PDE3A: variants seen among roughly 807,000 people sequenced by gnomAD.
PDE3A encodes cGMP-inhibited 3',5'-cyclic phosphodiesterase 3A.
PDE3A carries 43 observed loss-of-function variants against 98.3 expected under a neutral mutation model. The observed-to-expected ratio is 0.44, with a 90% CI of 0.34 to 0.56. PDE3A has a LOEUF of 0.56. PDE3A is among the 20% of genes least tolerant of loss of function. The probability of loss-of-function intolerance (pLI) is 0.01; values close to 1 mark genes in which losing one functional copy is unlikely to be tolerated. For missense variants in PDE3A, 1,427 were observed against 1,440.7 expected, an observed-to-expected ratio of 0.99 and a Z score of 0.15; for synonymous variants, 663 against 567.9, an observed-to-expected ratio of 1.17 and a Z score of -2.38.
intron 1 of PDE3A, among the ~76,000 whole-genome samples, chr12:20,431,536 G>A (rs753063978): frequency 4.6e-5 from 7 of 151,718 alleles, no homozygotes; most frequent in African/African-American, 9.7e-5. Flanking sequence ...AAATTCAATC[G>A]AAAGAATTAA....
intron 1 of PDE3A, among the ~76,000 whole-genome samples, chr12:20,554,006 T>G (rs1942294097): frequency 6.6e-6 from 1 of 152,080 alleles, no homozygotes; most frequent in Non-Finnish European, 1.5e-5. Context: ...TTTTTTTCTC[T>G]TAATGAACAC....
intron 15 of PDE3A, among the ~76,000 whole-genome samples, chr12:20,662,820 A>G (rs1945208620): frequency 6.6e-6 from 1 of 152,254 alleles, no homozygotes; most frequent in South Asian, 2.1e-4. Context: ...GAGAAACTCA[A>G]GTGGGCTGCA....
At chr12:20,496,462 C>G (rs1164917459) in intron 1 of PDE3A, among the ~76,000 whole-genome samples, 1 of 151,582 alleles carries the variant, frequency 6.6e-6, no homozygotes, top group Non-Finnish European at 1.5e-5. Flanking sequence ...TCTCAGAGAT[C>G]TGACGTGACA....
intron 1 of PDE3A, among the ~76,000 whole-genome samples, chr12:20,509,631 T>G (rs1946183222): frequency 6.6e-6 from 1 of 152,154 alleles, no homozygotes; most frequent in South Asian, 2.1e-4. Flanking sequence ...GCCTACTTTT[T>G]TGTTTTATAA....
Position 20,399,027 on chromosome 12 carries a change from A to G in PDE3A, c.960+28783A>G, listed in dbSNP as rs1944072721. 2.6e-5 allele frequency among the ~76,000 whole-genome samples: 4 copies of G among 152,084 alleles called. No homozygotes were observed. The South Asian group carries it at 8.3e-4, about 32-fold the overall frequency. On this transcript the variant is annotated intron_variant, in intron 1 of 15. Coordinates refer to ENST00000359062, the MANE Select transcript of PDE3A (RefSeq NM_000921.5). The stretch of plus-strand genomic sequence containing the variant: ...AACTACCATTCCACTTTCTGTCTCC[A>G]TGAATTTAACTATTCTTGATATCTT...
chr12:20,395,907 A>C (rs1944008676), intron 1 of PDE3A, among the ~76,000 whole-genome samples: 1 of 151,886 alleles, frequency 6.6e-6, no homozygotes, highest in African/African-American at 2.4e-5. Flanking sequence ...ATTTTATTTT[A>C]GGGACAGGAT....
intron 1 of PDE3A, among the ~76,000 whole-genome samples, chr12:20,473,862 A>G (rs927155723): frequency 2.6e-5 from 4 of 152,140 alleles, no homozygotes; most frequent in Admixed American, 1.3e-4. Flanking sequence ...CGAAGGTCCT[A>G]TAACATTGAT....
chr12:20,591,979 A>G (rs1303801065), intron 2 of PDE3A, among the ~76,000 whole-genome samples: 1 of 152,218 alleles, frequency 6.6e-6, no homozygotes, highest in East Asian at 1.9e-4. Flanking sequence ...GATATAATAA[A>G]GGGTTAAGTA....
chr12:20,548,451 T>TC (rs957127175), intron 1 of PDE3A, among the ~76,000 whole-genome samples: 5 of 151,990 alleles, frequency 3.3e-5, no homozygotes, highest in Admixed American at 3.3e-4. Flanking sequence ...ACATTTTTTT[T>TC]CTCCCTGAAT....
chr12:20,601,184 T>G (rs1943582566), intron 2 of PDE3A, among the ~76,000 whole-genome samples: 1 of 152,180 alleles, frequency 6.6e-6, no homozygotes, highest in South Asian at 2.1e-4. Context: ...ATATGTAAGA[T>G]CTGGTCAGAG....
intron 1 of PDE3A, among the ~76,000 whole-genome samples, chr12:20,498,249 G>A (rs12822341): frequency 0.28 from 42,325 of 151,872 alleles, 6,886 homozygotes; most frequent in East Asian, 0.55. Context: ...GCATTGTGGA[G>A]CTTGCAGATT....
intron 12 of PDE3A, 86 bp from the exon 13 acceptor site, chr12:20,648,602 A>G: frequency 1.2e-6 from 1 of 847,432 alleles, no homozygotes; most frequent in Non-Finnish European, 2.0e-6. Flanking sequence ...ATGAATAAAA[A>G]GCAATTTCAA....
intron 2 of PDE3A, among the ~76,000 whole-genome samples, chr12:20,603,736 T>G (rs1159792722): frequency 6.6e-6 from 1 of 152,148 alleles, no homozygotes; most frequent in Non-Finnish European, 1.5e-5. Flanking sequence ...ATAATGTTGG[T>G]GATGTATAAT....
intron 5 of PDE3A, among the ~76,000 whole-genome samples, chr12:20,626,367 T>C (rs552319408): frequency 1.0e-5 from 1 of 97,044 alleles, no homozygotes; most frequent in East Asian, 3.1e-4. Context: ...CTAGGAAAAA[T>C]AGTAGTTTGG....
intron 1 of PDE3A, among the ~76,000 whole-genome samples, chr12:20,478,200 T>C (rs1185337647): frequency 6.6e-6 from 1 of 152,180 alleles, no homozygotes; most frequent in African/African-American, 2.4e-5. Context: ...GGTTTATTCC[T>C]ATTGACAGCT....
chr12:20,537,389 G>A (rs1404361600), intron 1 of PDE3A, among the ~76,000 whole-genome samples: 1 of 151,816 alleles, frequency 6.6e-6, no homozygotes. Flanking sequence ...TGCCATTGTT[G>A]TGTGTGCTTA....
intron 14 of PDE3A, among the ~76,000 whole-genome samples, chr12:20,650,828 G>GT (rs397771327): frequency 6.6e-6 from 1 of 150,962 alleles, no homozygotes; most frequent in East Asian, 2.0e-4. Flanking sequence ...GCATTTGGGG[G>GT]AAGAAGATAT....
intron 1 of PDE3A, among the ~76,000 whole-genome samples, chr12:20,498,210 A>G (rs911512972): frequency 1.3e-5 from 2 of 152,148 alleles, no homozygotes; most frequent in Non-Finnish European, 1.5e-5. Context: ...GTTAAATAAT[A>G]TAAAATCCCA....
chr12:20,552,239 G>T lies in PDE3A; in HGVS notation c.961-4421G>T. 1 of 1,613,942 alleles carries T rather than the reference G, an allele frequency of 6.2e-7. No homozygotes were observed. Among genetic ancestry groups the T allele is most frequent in the Admixed American group, 1.7e-5 (1 of 60,014 alleles). On this transcript the variant is annotated intron_variant, in intron 1 of 15. Coordinates refer to ENST00000359062, the MANE Select transcript of PDE3A (RefSeq NM_000921.5). This position sits in a 1 kb window ranked among gnomAD's most constrained non-coding sequence, Gnocchi z 5.1. ...TCGGGGAAGCCGGTCAGGGTGGTGC[G>T]CAATGTCAAGGGTGGCAAGAATAGC...
Sources: allele counts gnomAD v4.1 joint callset (sites outside exome capture counted in the v4.1 genomes callset), GRCh38; gene constraint gnomAD v4.1.1; non-coding constraint Gnocchi (gnomAD v3.1); transcripts MANE v1.5; gene names NCBI Gene and HGNC (gene_info 2026-07-23, HGNC 2026-07-21).